The following TMEM132D variants were observed in gnomAD, a reference collection of about 807,000 sequenced individuals.
The protein encoded by TMEM132D is mature OL transmembrane protein.
A neutral mutation model predicts 62.3 loss-of-function variants in TMEM132D; 21 were observed. The ratio of observed to expected loss-of-function variants is 0.34; its 90% CI spans 0.24 to 0.49. TMEM132D has a LOEUF of 0.49. TMEM132D is among the 20% of genes least tolerant of loss of function. The pLI is 0.99. For synonymous variants in TMEM132D, 621 were observed against 575.6 expected, an observed-to-expected ratio of 1.08 and a Z score of -1.13; for missense variants, 1,346 against 1,402.8, an observed-to-expected ratio of 0.96 and a Z score of 0.65.
chr12:129,263,403 G>T (rs547462744), intron 4 of TMEM132D, among the ~76,000 whole-genome samples: 15 of 152,168 alleles, frequency 9.9e-5, no homozygotes, highest in African/African-American at 3.4e-4. Context: ...TCTCTATTTT[G>T]CAGAAAGTAA....
intron 1 of TMEM132D, among the ~76,000 whole-genome samples, chr12:129,790,854 G>A (rs1871384191): frequency 6.6e-6 from 1 of 152,200 alleles, no homozygotes; most frequent in Non-Finnish European, 1.5e-5. Context: ...AGCATGCACA[G>A]TGTCTAAACC....
intron 2 of TMEM132D, among the ~76,000 whole-genome samples, chr12:129,670,174 G>A (rs773537166): frequency 1.3e-5 from 2 of 152,184 alleles, no homozygotes; most frequent in Non-Finnish European, 2.9e-5. Context: ...CCTCCAAGCT[G>A]TCCTTGTTCA....
At position 129,071,981 on chromosome 12, in the gene TMEM132D, T is replaced by C. The variant is rs2135599908; in HGVS notation, c.*1894A>G. ...AGGTAAGCTTGCGGACAGGAGCAGG[T>C]GACTTACTGGCTGCAGAAACCTCAG... On this transcript the variant is annotated 3_prime_UTR_variant, in exon 9 of 9. Coordinates refer to ENST00000422113, the MANE Select transcript of TMEM132D (RefSeq NM_133448.3). The C allele has an allele frequency of 6.6e-6, 1 of 152,180 alleles. No homozygotes were observed. Among genetic ancestry groups the C allele is most frequent in the East Asian group, 1.9e-4 (1 of 5,160 alleles). The allele number at this position is 152,180 out of a possible 1,614,324, so 9.4% of individuals were successfully genotyped here. A position where few individuals can be genotyped will look rare whatever the true frequency, so the allele number is the denominator to read the frequency against.
chr12:129,866,697 C>A (rs73160273), intron 1 of TMEM132D, among the ~76,000 whole-genome samples: 1 of 151,880 alleles, frequency 6.6e-6, no homozygotes, highest in African/African-American at 2.4e-5. Context: ...AAAGCCATTA[C>A]GGCAAACAGT....
intron 3 of TMEM132D, among the ~76,000 whole-genome samples, chr12:129,410,829 T>C (rs1398783784): frequency 6.6e-6 from 1 of 152,238 alleles, no homozygotes; most frequent in African/African-American, 2.4e-5. Context: ...TCATGGGGTT[T>C]GTGGTAACTT....
intron 1 of TMEM132D, among the ~76,000 whole-genome samples, chr12:129,855,118 G>GGGTGCCCTTATAACAGA (rs1566009819): frequency 3.1e-5 from 4 of 129,456 alleles, no homozygotes; most frequent in South Asian, 2.5e-4. Context: ...GGAACGGGAT[G>GGGTGCCCTTATAACAGA]GCTGCCCTTG....
At chr12:129,568,771 T>C (rs1262585069) in intron 2 of TMEM132D, among the ~76,000 whole-genome samples, 2 of 152,242 alleles carry the variant, frequency 1.3e-5, no homozygotes, top group African/African-American at 4.8e-5. Context: ...TGAATTTGCT[T>C]GGTTTTGTTG....
intron 5 of TMEM132D, among the ~76,000 whole-genome samples, chr12:129,152,818 C>T (rs929138849): frequency 4.6e-5 from 7 of 152,202 alleles, no homozygotes; most frequent in South Asian, 2.1e-4. Flanking sequence ...AACCGTTTCC[C>T]GGGCTTCCTT....
chr12:129,539,574 A>ATTT (rs3046685), intron 2 of TMEM132D, among the ~76,000 whole-genome samples: 87,695 of 143,754 alleles, frequency 0.61, 27,927 homozygotes, highest in East Asian at 0.86. Context: ...AATTTTTTCT[A>ATTT]TTTTTTTTTT....
chr12:129,882,933 T>G (rs2137387131), intron 1 of TMEM132D, among the ~76,000 whole-genome samples: 1 of 152,290 alleles, frequency 6.6e-6, no homozygotes, highest in East Asian at 1.9e-4. Flanking sequence ...CTTAACGTTG[T>G]AAAATGTGAT....
Position 129,814,559 on chromosome 12 carries a change from C to G in TMEM132D, c.79+88702G>C, listed in dbSNP as rs1233642280. On this transcript the variant is annotated intron_variant, in intron 1 of 8. Transcript: ENST00000422113. ...CCGGGAGACAGAGGTTGCAGTGAGCCGAGATCACGCCACTGCACTCCAGCC... is the reference window on the plus strand; with the variant it reads ...CCGGGAGACAGAGGTTGCAGTGAGCGGAGATCACGCCACTGCACTCCAGCC... Among the ~76,000 whole-genome samples the G allele has an allele frequency of 5.4e-5, 7 of 130,680 alleles. No individual in the cohort carries two copies. In the Admixed American group the frequency reaches 6.8e-4, roughly 13 times the overall value. The allele number at this position is 130,680 out of a possible 152,430, so 85.7% of individuals were successfully genotyped here.
chr12:129,891,946 T>G (rs1200562127), intron 1 of TMEM132D, among the ~76,000 whole-genome samples: 1 of 152,208 alleles, frequency 6.6e-6, no homozygotes, highest in African/African-American at 2.4e-5. Context: ...CTTTGGGTAC[T>G]GAAATTGTTT....
intron 3 of TMEM132D, among the ~76,000 whole-genome samples, chr12:129,466,440 C>G (rs1486902618): frequency 1.3e-5 from 2 of 151,866 alleles, no homozygotes; most frequent in African/African-American, 4.8e-5. Flanking sequence ...CGTCCTAAGC[C>G]TCTCAAGTAG....
rs574197214 is a variant in TMEM132D, at chr12:129,203,110, T to C, written c.1443+6410A>G. 7.7e-4 allele frequency among the ~76,000 whole-genome samples: 118 copies of C among 152,300 alleles called. 2 individuals carry two copies. The highest frequency in any genetic ancestry group is 3.7e-3 in the South Asian group (18 of 4,824). The stretch of plus-strand genomic sequence containing the variant: ...CAACCACACTGTACCTGCTTTTGTA[T>C]CAATCGCTGAGTGTCAGCCAACTAC... On this transcript the variant is annotated intron_variant, in intron 5 of 8. Coordinates refer to ENST00000422113, the MANE Select transcript of TMEM132D (RefSeq NM_133448.3).
intron 2 of TMEM132D, among the ~76,000 whole-genome samples, chr12:129,675,838 G>GC (rs1162948725): frequency 1.3e-5 from 2 of 152,186 alleles, no homozygotes; most frequent in African/African-American, 2.4e-5. Flanking sequence ...AGGTTGAGAA[G>GC]CCCTGTGCTG....
chr12:129,828,095 T>C (rs1872709613), intron 1 of TMEM132D, among the ~76,000 whole-genome samples: 1 of 152,174 alleles, frequency 6.6e-6, no homozygotes. Context: ...AATGATTGTA[T>C]GCAAATCATA....
intron 1 of TMEM132D, among the ~76,000 whole-genome samples, chr12:129,775,894 G>A (rs1046230105): frequency 3.3e-5 from 5 of 151,756 alleles, no homozygotes; most frequent in Non-Finnish European, 5.9e-5. Flanking sequence ...TCTATCAATC[G>A]TCTATCAATA....
intron 4 of TMEM132D, among the ~76,000 whole-genome samples, chr12:129,266,241 C>T (rs767633338): frequency 1.3e-5 from 2 of 152,144 alleles, no homozygotes; most frequent in Non-Finnish European, 2.9e-5. Flanking sequence ...GGATGTCCTA[C>T]GGCCACACTG....
intron 2 of TMEM132D, among the ~76,000 whole-genome samples, chr12:129,626,439 C>CT (rs1303984395): frequency 6.7e-6 from 1 of 150,290 alleles, no homozygotes; most frequent in Non-Finnish European, 1.5e-5. Flanking sequence ...CTCAATTGTA[C>CT]TTTTTTTCTA....
Sources: gnomAD v4.1 joint callset for allele counts (sites outside exome capture counted in the v4.1 genomes callset) on GRCh38, gnomAD v4.1.1 for gene constraint, MANE v1.5 for transcripts, NCBI Gene and HGNC (gene_info 2026-07-23, HGNC 2026-07-21) for gene names.